Variants in PBRM1 observed in about 807,000 individuals in gnomAD.
The protein encoded by PBRM1 is protein polybromo-1.
Under a neutral mutation model 194.5 loss-of-function variants are expected in PBRM1, and 27 were observed. The observed-to-expected ratio is 0.14, with a 90% CI of 0.10 to 0.19. The LOEUF is 0.19. PBRM1 is among the 10% of genes least tolerant of loss of function. The pLI, the probability that PBRM1 is intolerant of heterozygous loss-of-function variation, is 1.00. For synonymous variants in PBRM1, 655 were observed against 693.2 expected (o/e 0.94, Z 0.87); for missense variants, 1,466 against 2,077.2 (o/e 0.71, Z 5.72).
intron 1 of PBRM1, among the ~76,000 whole-genome samples, chr3:52,685,082 T>C (rs944683086): frequency 4.6e-5 from 7 of 152,220 alleles, no homozygotes; most frequent in African/African-American, 7.2e-5. Context: ...CACCCCAACA[T>C]ACGCTTCTAT....
chr3:52,654,028 C>A (rs979351138), intron 5 of PBRM1, among the ~76,000 whole-genome samples: 6 of 152,216 alleles, frequency 3.9e-5, no homozygotes, highest in Non-Finnish European at 8.8e-5. Context: ...AACCTAGAAT[C>A]ACTCACTGCA....
chr3:52,630,379 AGC>A (rs1388059835), intron 11 of PBRM1, among the ~76,000 whole-genome samples: 3 of 152,170 alleles, frequency 2.0e-5, no homozygotes, highest in African/African-American at 4.8e-5. Context: ...ACAATATAGT[AGC>A]CACTAGCCAT....
At chr3:52,551,218 T>C (rs1179848805) in intron 27 of PBRM1, among the ~76,000 whole-genome samples, 3 of 152,184 alleles carry the variant, frequency 2.0e-5, no homozygotes, top group African/African-American at 7.2e-5. Context: ...GGCTCAGCAG[T>C]AAGCAATGTG....
At chr3:52,569,144 TCC>T (rs1476325747) in intron 22 of PBRM1, among the ~76,000 whole-genome samples, 1 of 151,894 alleles carries the variant, frequency 6.6e-6, no homozygotes, top group Admixed American at 6.6e-5. Context: ...CACCTCGGCC[TCC>T]CAAAGTGCTG....
intron 6 of PBRM1, among the ~76,000 whole-genome samples, chr3:52,651,192 TGTGA>T (rs1484241328): frequency 6.6e-6 from 1 of 152,250 alleles, no homozygotes; most frequent in Admixed American, 6.5e-5. Context: ...AGCAAGTCTA[TGTGA>T]GTGTTTAGTT....
intron 26 of PBRM1, 137 bp downstream of exon 28, chr3:52,558,112 A>G: frequency 3.2e-6 from 2 of 622,258 alleles, no homozygotes; most frequent in South Asian, 5.5e-5. Context: ...AAGGCAATAT[A>G]GGACAACATG....
chr3:52,598,937 G>A (rs545745989), intron 17 of PBRM1, among the ~76,000 whole-genome samples: 4 of 151,128 alleles, frequency 2.6e-5, no homozygotes, highest in East Asian at 3.9e-4. Flanking sequence ...CAGGAGAATC[G>A]CTGGAACCTG....
intron 5 of PBRM1, among the ~76,000 whole-genome samples, chr3:52,653,464 A>C (rs2096547765): frequency 6.6e-6 from 1 of 151,708 alleles, no homozygotes; most frequent in South Asian, 2.1e-4. Flanking sequence ...TGGTGCATGC[A>C]TGTAATCCCA....
At chr3:52,589,040 A>G (rs1402371360) in intron 18 of PBRM1, 30 bp downstream of exon 20, 4 of 1,547,846 alleles carry the variant, frequency 2.6e-6, no homozygotes, top group Admixed American at 1.7e-5. Flanking sequence ...ATATCTCACT[A>G]AACTGTCCTT....
At chr3:52,608,632 C>CT (rs35189714) in intron 16 of PBRM1, among the ~76,000 whole-genome samples, 174 of 147,294 alleles carry the variant, frequency 1.2e-3, no homozygotes, top group African/African-American at 3.1e-3. Context: ...AGGTTTGTAT[C>CT]TTTTTTTTTT....
chr3:52,587,535 G>A, intron 18 of PBRM1, 25 bp from the exon 21 acceptor site: 5 of 1,543,152 alleles, frequency 3.2e-6, no homozygotes, highest in African/African-American at 1.4e-5. Context: ...GTGGGGGAAG[G>A]GGAAGAGAAA....
intron 3 of PBRM1, among the ~76,000 whole-genome samples, chr3:52,664,542 C>T (rs1275562672): frequency 6.6e-6 from 1 of 151,698 alleles, no homozygotes; most frequent in African/African-American, 2.4e-5. Flanking sequence ...TCAAGTCCAG[C>T]CTGGCCAACG....
chr3:52,602,882 A>G (rs1224230019), intron 17 of PBRM1, among the ~76,000 whole-genome samples: 1 of 152,132 alleles, frequency 6.6e-6, no homozygotes, highest in Non-Finnish European at 1.5e-5. Flanking sequence ...TGCCTAAGGG[A>G]AAAAAATCTA....
In PBRM1 at chr3:52,548,458, G is replaced by A. The variant is rs190385536; in HGVS notation, c.4898-223C>T. ...TTTTTTTTTTTTGACATCGAGTCTC[G>A]CTCTGTCGCCCTCGCTGGAGTGCAG... is the stretch of plus-strand genomic sequence containing the variant. On this transcript the variant is annotated intron_variant, in intron 29 of 29. Transcript: ENST00000296302. 1.2e-3 allele frequency among the ~76,000 whole-genome samples: 179 copies of A among 149,484 alleles called. 1 individual carries two copies. Among genetic ancestry groups the A allele is most frequent in the African/African-American group, 3.9e-3 (158 of 40,500 alleles).
At chr3:52,563,383 A>T in exon 24 of PBRM1, 1 of 1,613,874 alleles carries the variant, frequency 6.2e-7, no homozygotes. Flanking sequence ...TTCTTCTCCC[A>T]TCTCTTCAAT....
At chr3:52,583,339 A>C (rs938657098) in intron 20 of PBRM1, among the ~76,000 whole-genome samples, 3 of 151,564 alleles carry the variant, frequency 2.0e-5, no homozygotes, top group Admixed American at 2.0e-4. Context: ...GAACCCAGGA[A>C]GGCGGACGTT....
At chr3:52,615,535 A>T in intron 14 of PBRM1, 79 bp from the exon 17 acceptor site, 1 of 885,300 alleles carries the variant, frequency 1.1e-6, no homozygotes, top group Non-Finnish European at 1.8e-6. Context: ...AAGAAGTTTT[A>T]AAAAGACAGT....
chr3:52,656,336 C>G (rs1424723926), intron 5 of PBRM1, among the ~76,000 whole-genome samples: 1 of 152,054 alleles, frequency 6.6e-6, no homozygotes, highest in Non-Finnish European at 1.5e-5. Context: ...CTTACCCTGT[C>G]CCCTACACAA....
At chr3:52,576,803 G>C in intron 21 of PBRM1, 105 bp from the exon 24 acceptor site, 1 of 725,664 alleles carries the variant, frequency 1.4e-6, no homozygotes, top group Non-Finnish European at 2.1e-6. Context: ...GTACCATTCA[G>C]AGGAGTTTCA....
Sources: allele counts gnomAD v4.1 joint callset (sites outside exome capture counted in the v4.1 genomes callset), GRCh38; gene constraint gnomAD v4.1.1; transcripts MANE v1.5; gene names NCBI Gene and HGNC (gene_info 2026-07-23, HGNC 2026-07-21).